PCDH11X: variants seen among roughly 807,000 people sequenced by gnomAD.
PCDH11X encodes the protein protocadherin 11 X-linked.
In PCDH11X, 18 loss-of-function variants were observed where a neutral mutation model predicts 53.3. That is an observed-to-expected ratio of 0.34 (90% CI 0.23 to 0.50). The LOEUF is 0.50. Among genes scored for constraint, PCDH11X ranks in the 20% least tolerant of loss-of-function variants. PCDH11X has a pLI of 0.98. For missense variants in PCDH11X, 570 were observed against 1,032.4 expected, an observed-to-expected ratio of 0.55 and a Z score of 6.14; for synonymous variants, 279 against 393.3, an observed-to-expected ratio of 0.71 and a Z score of 3.44.
At chrX:92,039,056 A>G (rs922784526) in intron 6 of PCDH11X, among the ~76,000 whole-genome samples, 27 of 112,030 alleles carry the variant, frequency 2.4e-4, no homozygotes, top group African/African-American at 8.8e-4. Context: ...GCCCAATACT[A>G]CTGTCATCCA....
chrX:91,983,091 A>T, intron 6 of PCDH11X: 1 of 1,108,633 alleles, frequency 9.0e-7, no homozygotes, highest in Non-Finnish European at 1.2e-6. Context: ...AGCAGCCCGG[A>T]TGGAAGGCCC....
chrX:92,361,732 T>C (rs2070350442), intron 8 of PCDH11X, among the ~76,000 whole-genome samples: 1 of 107,227 alleles, frequency 9.3e-6, no homozygotes, highest in South Asian at 4.3e-4. Context: ...GTACATCACA[T>C]TGTTTTGCAG....
intron 6 of PCDH11X, among the ~76,000 whole-genome samples, chrX:91,912,173 T>G: frequency 8.9e-6 from 1 of 111,973 alleles, no homozygotes; most frequent in East Asian, 2.8e-4. Context: ...ATGGTTTTTT[T>G]GCTGGACTCC....
At chrX:92,331,251 T>C (rs1265024888) in intron 8 of PCDH11X, among the ~76,000 whole-genome samples, 1 of 105,187 alleles carries the variant, frequency 9.5e-6, no homozygotes, top group African/African-American at 3.5e-5. Flanking sequence ...ATGAGCTGAT[T>C]TTTTCTTTCC....
chrX:91,825,197 C>T (rs1278987557), intron 4 of PCDH11X, among the ~76,000 whole-genome samples: 1 of 108,730 alleles, frequency 9.2e-6, no homozygotes, highest in Non-Finnish European at 1.9e-5. Flanking sequence ...CTGTGGTGGG[C>T]TCCACCCAGT....
At chrX:92,589,464 C>T (rs1431798110) in intron 10 of PCDH11X, among the ~76,000 whole-genome samples, 2 of 111,548 alleles carry the variant, frequency 1.8e-5, no homozygotes, top group African/African-American at 6.5e-5. Context: ...AGCATATAAT[C>T]TTTATTAGTT....
At position 91,868,505 on chromosome X, in the gene PCDH11X, G is replaced by A. The variant is rs1380206186; in HGVS notation, c.541-8276G>A. ...GTTGAGGTCTTTTATCAATTTAGAA[G>A]GTAGAACCAATCAGAGTTAGAAGCA... On this transcript the variant is annotated intron_variant, in intron 5 of 10. Coordinates refer to ENST00000682573, the MANE Select transcript of PCDH11X (RefSeq NM_032968.5). 9.0e-5 allele frequency among the ~76,000 whole-genome samples: 10 copies of A among 111,364 alleles called. No homozygotes were observed. In the Admixed American group the frequency reaches 9.5e-4, roughly 11 times the overall value.
At chrX:92,214,991 T>G (rs1032309018) in intron 7 of PCDH11X, among the ~76,000 whole-genome samples, 14 of 111,367 alleles carry the variant, frequency 1.3e-4, no homozygotes, top group Admixed American at 3.8e-4. Flanking sequence ...GAGGCTGCAG[T>G]AAGTGGAGAT....
chrX:92,221,161 G>T (rs1360620592), intron 7 of PCDH11X, among the ~76,000 whole-genome samples: 1 of 101,061 alleles, frequency 9.9e-6, no homozygotes, highest in Non-Finnish European at 2.0e-5. Context: ...TAACTAACCT[G>T]CACATTGTGC....
chrX:92,080,910 A>G (rs938092172), intron 6 of PCDH11X, among the ~76,000 whole-genome samples: 2 of 111,308 alleles, frequency 1.8e-5, no homozygotes, highest in East Asian at 2.9e-4. Flanking sequence ...GATTTTTCTC[A>G]GTCTCAGTTT....
chrX:92,022,012 T>C (rs2062892332), intron 6 of PCDH11X, among the ~76,000 whole-genome samples: 1 of 107,872 alleles, frequency 9.3e-6, no homozygotes, highest in Non-Finnish European at 1.9e-5. Context: ...CAAGAGCTCC[T>C]GTAGGAAGCA....
chrX:92,332,405 CAT>C (rs773687902), intron 8 of PCDH11X, among the ~76,000 whole-genome samples: 11 of 110,102 alleles, frequency 1.0e-4, no homozygotes, highest in Admixed American at 9.5e-4. Flanking sequence ...TGCATGCACA[CAT>C]GTGTGCATTC....
At chrX:92,321,927 G>T (rs1242852563) in intron 8 of PCDH11X, among the ~76,000 whole-genome samples, 1 of 104,391 alleles carries the variant, frequency 9.6e-6, no homozygotes, top group East Asian at 3.2e-4. Context: ...TTTGATTTTT[G>T]ACTATATTAC....
intron 10 of PCDH11X, among the ~76,000 whole-genome samples, chrX:92,493,646 C>T (rs866408151): frequency 2.4e-5 from 2 of 83,857 alleles, no homozygotes; most frequent in Non-Finnish European, 2.2e-5. Context: ...GCCCCCTTAA[C>T]TTTTTTTTTT....
chrX:92,046,924 T>C (rs2063298083), intron 6 of PCDH11X, among the ~76,000 whole-genome samples: 1 of 99,357 alleles, frequency 1.0e-5, no homozygotes, highest in Non-Finnish European at 2.0e-5. Flanking sequence ...ATTTAAAACA[T>C]TGTATAATCT....
chrX:92,261,390 G>A (rs186804122), intron 7 of PCDH11X, among the ~76,000 whole-genome samples: 14 of 111,885 alleles, frequency 1.3e-4, no homozygotes, highest in Admixed American at 4.8e-4. Flanking sequence ...TTCTGGAGTT[G>A]TTCTTTTTCA....
chrX:92,265,048 G>A (rs761032864), intron 8 of PCDH11X, among the ~76,000 whole-genome samples: 10 of 109,335 alleles, frequency 9.1e-5, no homozygotes, highest in Non-Finnish European at 1.5e-4. Context: ...AGAAGGGTAA[G>A]CAAGCAGAGA....
At position 92,217,764 on chromosome X, in the gene PCDH11X, C is replaced by T. The variant is rs182823387; in HGVS notation, c.3114+16309C>T. ...ACAGAATATACATTGTTTTCAGCAC[C>T]ACACCACAACTCTTCCAAAATTGAC... On this transcript the variant is annotated intron_variant, in intron 7 of 10. Coordinates refer to ENST00000682573, the MANE Select transcript of PCDH11X (RefSeq NM_032968.5). Among the ~76,000 whole-genome samples, 173 of 111,176 alleles carry T rather than the reference C, an allele frequency of 1.6e-3. 2 individuals carry two copies. The highest frequency in any genetic ancestry group is 5.3e-3 in the African/African-American group (162 of 30,550).
intron 8 of PCDH11X, among the ~76,000 whole-genome samples, chrX:92,326,821 T>C (rs1418564602): frequency 9.7e-6 from 1 of 103,498 alleles, no homozygotes; most frequent in African/African-American, 3.6e-5. Context: ...GTTACCCATA[T>C]AAATATTTGA....
Sources: gnomAD v4.1 joint callset for allele counts (sites outside exome capture counted in the v4.1 genomes callset) on GRCh38, gnomAD v4.1.1 for gene constraint, MANE v1.5 for transcripts, NCBI Gene and HGNC (gene_info 2026-07-23, HGNC 2026-07-21) for gene names.